Variants in CEP112 observed in about 807,000 individuals in gnomAD.
CEP112 encodes centrosomal protein 112.
In CEP112, 127 loss-of-function variants were observed where a neutral mutation model predicts 153.0. The observed-to-expected ratio is 0.83, with a 90% CI of 0.72 to 0.96. CEP112 has a LOEUF of 0.96. Among genes scored for constraint, CEP112 ranks in the 40% least tolerant of loss-of-function variants. The pLI is 0.00. For missense variants in CEP112, 1,089 were observed against 1,101.2 expected (o/e 0.99, Z 0.16); for synonymous variants, 358 against 374.4 (o/e 0.96, Z 0.51).
chr17:65,698,580 C>T (rs2144547861), intron 23 of CEP112, among the ~76,000 whole-genome samples: 1 of 152,258 alleles, frequency 6.6e-6, no homozygotes, highest in Middle Eastern at 3.4e-3. Flanking sequence ...TCATGTTTTC[C>T]TAGTCACACA....
chr17:65,687,506 G>T (rs1038298797), intron 24 of CEP112, among the ~76,000 whole-genome samples: 1 of 151,904 alleles, frequency 6.6e-6, no homozygotes, highest in African/African-American at 2.4e-5. Context: ...ATTCTATTTT[G>T]TTATCCTATT....
intron 21 of CEP112, among the ~76,000 whole-genome samples, chr17:65,840,749 C>T (rs1336952967): frequency 1.3e-5 from 2 of 151,928 alleles, no homozygotes; most frequent in Admixed American, 6.6e-5. Context: ...AACATATTGG[C>T]AAACTATCCA....
intron 12 of CEP112, among the ~76,000 whole-genome samples, chr17:66,051,985 T>C (rs1298387088): frequency 1.3e-5 from 2 of 152,216 alleles, no homozygotes; most frequent in Non-Finnish European, 2.9e-5. Context: ...GTTCAGAACA[T>C]TTACTTTAGC....
chr17:66,034,859 G>A (rs1454240835), intron 12 of CEP112, among the ~76,000 whole-genome samples: 1 of 150,482 alleles, frequency 6.6e-6, no homozygotes, highest in South Asian at 2.1e-4. Context: ...CCAGGCTGGA[G>A]TGCAGTGGCG....
At chr17:65,920,159 A>C (rs1685357330) in intron 19 of CEP112, among the ~76,000 whole-genome samples, 2 of 151,416 alleles carry the variant, frequency 1.3e-5, no homozygotes, top group Non-Finnish European at 2.9e-5. Context: ...AACCTAGCCA[A>C]CATGGTGAAA....
intron 21 of CEP112, among the ~76,000 whole-genome samples, chr17:65,830,575 ACT>A (rs2057033720): frequency 6.6e-6 from 1 of 152,036 alleles, no homozygotes; most frequent in African/African-American, 2.4e-5. Context: ...CTTGGCAGCT[ACT>A]CTGTACTTCA....
chr17:66,058,211 G>A (rs1438080202), intron 11 of CEP112, among the ~76,000 whole-genome samples: 1 of 152,076 alleles, frequency 6.6e-6, no homozygotes, highest in African/African-American at 2.4e-5. Context: ...CTTGTAAGTG[G>A]CAGAAGCCTC....
chr17:65,859,482 A>G (rs1030770847), intron 20 of CEP112, among the ~76,000 whole-genome samples: 3 of 151,458 alleles, frequency 2.0e-5, no homozygotes, highest in African/African-American at 7.3e-5. Flanking sequence ...AAAAAACATT[A>G]TGATTATCTG....
chr17:65,790,423 G>A (rs1447283384), intron 21 of CEP112, among the ~76,000 whole-genome samples: 2 of 152,028 alleles, frequency 1.3e-5, no homozygotes, highest in African/African-American at 4.8e-5. Context: ...GCTCCTCAGG[G>A]GTCAGTTCAG....
At chr17:66,152,074 T>A (rs895487444) in intron 4 of CEP112, among the ~76,000 whole-genome samples, 2 of 152,136 alleles carry the variant, frequency 1.3e-5, no homozygotes, top group Non-Finnish European at 2.9e-5. Context: ...AATAGATAAC[T>A]GCAGATATCT....
intron 21 of CEP112, among the ~76,000 whole-genome samples, chr17:65,777,638 C>T (rs1052921438): frequency 3.3e-5 from 5 of 152,110 alleles, no homozygotes; most frequent in African/African-American, 1.2e-4. Context: ...AGTTCTCCTC[C>T]CCTTCATGAA....
At chr17:66,078,039 T>C (rs936695958) in intron 8 of CEP112, among the ~76,000 whole-genome samples, 1 of 152,166 alleles carries the variant, frequency 6.6e-6, no homozygotes, top group African/African-American at 2.4e-5. Flanking sequence ...CTTCATTGAT[T>C]TTCATATAAG....
At chr17:66,045,004 C>G (rs761731342) in intron 12 of CEP112, among the ~76,000 whole-genome samples, 34 of 150,246 alleles carry the variant, frequency 2.3e-4, no homozygotes, top group Non-Finnish European at 4.0e-4. Context: ...TTTAAAAGGC[C>G]AAGAAATGTA....
At chr17:65,937,449 A>G (rs1239559735) in intron 18 of CEP112, among the ~76,000 whole-genome samples, 5 of 105,394 alleles carry the variant, frequency 4.7e-5, no homozygotes, top group East Asian at 9.2e-4. Context: ...GGAGGTGAGG[A>G]GCGTCTCTGC....
At chr17:65,900,830 G>A (rs913003516) in intron 20 of CEP112, among the ~76,000 whole-genome samples, 24 of 152,216 alleles carry the variant, frequency 1.6e-4, no homozygotes, top group African/African-American at 4.1e-4. Context: ...TATAATACAC[G>A]ATGATTTAAC....
chr17:65,669,884 C>G lies in CEP112; in HGVS notation c.2697+19245G>C, dbSNP rs538057545. On this transcript the variant is annotated intron_variant, in intron 24 of 26. Transcript: ENST00000535342. ...CGCCACTGCACTCCAGCCTGGGCGA[C>G]AGAGCGAGACTTCGTCTTGAAAAAA... Among the ~76,000 whole-genome samples, 90 of 138,104 alleles carry G rather than the reference C, an allele frequency of 6.5e-4. 1 individual carries two copies. Among genetic ancestry groups the G allele is most frequent in the African/African-American group, 2.5e-3 (89 of 36,278 alleles). The allele number at this position is 138,104 out of a possible 152,430, so 90.6% of individuals were successfully genotyped here.
chr17:65,662,760 G>A (rs993248195), intron 24 of CEP112, among the ~76,000 whole-genome samples: 3 of 151,956 alleles, frequency 2.0e-5, no homozygotes, highest in African/African-American at 4.8e-5. Context: ...TGGATATTAC[G>A]ATGAATGCCA....
intron 1 of CEP112, among the ~76,000 whole-genome samples, chr17:66,190,084 C>T (rs2073106764): frequency 6.6e-6 from 1 of 151,890 alleles, no homozygotes; most frequent in South Asian, 2.1e-4. Context: ...AATCCCAGCA[C>T]TTTGGGAGGC....
intron 21 of CEP112, chr17:65,797,091 A>ACAAAT (rs2054978537): frequency 6.6e-6 from 1 of 152,158 alleles, no homozygotes. Flanking sequence ...CAACAACAAA[A>ACAAAT]CCCATCTTTG....
Sources: gnomAD v4.1 joint callset for allele counts (sites outside exome capture counted in the v4.1 genomes callset) on GRCh38, gnomAD v4.1.1 for gene constraint, MANE v1.5 for transcripts, NCBI Gene and HGNC (gene_info 2026-07-23, HGNC 2026-07-21) for gene names.